RABGAP1L: variants seen among roughly 807,000 people sequenced by gnomAD.
RABGAP1L encodes rab GTPase-activating protein 1-like.
Under a neutral mutation model 137.7 loss-of-function variants are expected in RABGAP1L, and 63 were observed. The ratio of observed to expected loss-of-function variants is 0.46; its 90% confidence interval spans 0.37 to 0.56. The LOEUF (loss-of-function observed/expected upper bound fraction) is 0.56, where lower values mean the gene tolerates loss of function less well. RABGAP1L is among the 20% of genes least tolerant of loss of function. RABGAP1L has a pLI of 0.00. For missense variants in RABGAP1L, 1,095 were observed against 1,244.0 expected, an observed-to-expected ratio of 0.88 and a Z score of 1.80; for synonymous variants, 431 against 433.7, an observed-to-expected ratio of 0.99 and a Z score of 0.08.
At chr1:174,910,822 G>A (rs1421208539) in intron 19 of RABGAP1L, among the ~76,000 whole-genome samples, 1 of 152,192 alleles carries the variant, frequency 6.6e-6, no homozygotes. Context: ...ATACCTAGGA[G>A]TGGAATTGCT....
At chr1:174,219,388 GCTGA>G in intron 2 of RABGAP1L, 93 bp downstream of exon 2, 2 of 840,804 alleles carry the variant, frequency 2.4e-6, no homozygotes, top group Non-Finnish European at 3.3e-6. Context: ...TTTCTCAAGT[GCTGA>G]CTTTCAAAAT....
At chr1:174,231,530 T>C (rs1670652064) in intron 4 of RABGAP1L, among the ~76,000 whole-genome samples, 175 bp downstream of exon 4, 1 of 152,192 alleles carries the variant, frequency 6.6e-6, no homozygotes. Context: ...TGAACAATTG[T>C]ATTAGTCTAT....
intron 13 of RABGAP1L, among the ~76,000 whole-genome samples, chr1:174,460,345 C>G (rs899964490): frequency 2.0e-5 from 3 of 151,924 alleles, no homozygotes; most frequent in Non-Finnish European, 4.4e-5. Flanking sequence ...GACTAAATTA[C>G]GCATAGTTCT....
chr1:174,819,187 TAAAAAAAAAAAAAAA>T (rs71299431), intron 19 of RABGAP1L, among the ~76,000 whole-genome samples: 1 of 44,840 alleles, frequency 2.2e-5, no homozygotes, highest in African/African-American at 8.6e-5. Context: ...TGCCTGTCTC[TAAAAAAAAAAAAAAA>T]AAAAAAAAAA....
At chr1:174,569,781 C>T (rs1030637235) in intron 13 of RABGAP1L, among the ~76,000 whole-genome samples, 10 of 152,280 alleles carry the variant, frequency 6.6e-5, no homozygotes, top group South Asian at 2.1e-4. Flanking sequence ...TAAAAATTAA[C>T]GAAGTAGAGA....
chr1:174,718,607 A>G (rs992312155), intron 17 of RABGAP1L, among the ~76,000 whole-genome samples: 1 of 152,082 alleles, frequency 6.6e-6, no homozygotes, highest in African/African-American at 2.4e-5. Flanking sequence ...CCTTGGCATC[A>G]TTTGTCATCG....
chr1:174,354,884 G>C (rs1464518832), intron 11 of RABGAP1L, among the ~76,000 whole-genome samples: 1 of 152,166 alleles, frequency 6.6e-6, no homozygotes, highest in Non-Finnish European at 1.5e-5. Flanking sequence ...CATATGGCTA[G>C]CCAGTTTTCC....
intron 13 of RABGAP1L, among the ~76,000 whole-genome samples, chr1:174,583,435 A>G (rs1668885736): frequency 6.6e-6 from 1 of 152,082 alleles, no homozygotes; most frequent in Non-Finnish European, 1.5e-5. Flanking sequence ...TACCCTCCCC[A>G]TACATATATG....
At chr1:174,728,534 T>C (rs1293763057) in intron 17 of RABGAP1L, among the ~76,000 whole-genome samples, 1 of 151,590 alleles carries the variant, frequency 6.6e-6, no homozygotes, top group African/African-American at 2.4e-5. Context: ...ATCATTAATA[T>C]GGCCATACTG....
chr1:174,473,160 T>G (rs1022369163), intron 13 of RABGAP1L, among the ~76,000 whole-genome samples: 13 of 152,130 alleles, frequency 8.5e-5, no homozygotes, highest in African/African-American at 2.7e-4. Context: ...TGGAACATAA[T>G]TTTAGGTTAT....
chr1:174,203,651 G>T (rs759761260), intron 1 of RABGAP1L, among the ~76,000 whole-genome samples: 12 of 151,962 alleles, frequency 7.9e-5, no homozygotes, highest in Non-Finnish European at 1.5e-4. Context: ...GAAGAATGTT[G>T]TTTGATAGGA....
chr1:174,643,216 C>T (rs145809711), intron 14 of RABGAP1L, among the ~76,000 whole-genome samples: 1 of 152,208 alleles, frequency 6.6e-6, no homozygotes, highest in African/African-American at 2.4e-5. Context: ...GATAGGTGTT[C>T]CTGGATCAGA....
At chr1:174,500,080 C>CT (rs1314254264) in intron 13 of RABGAP1L, among the ~76,000 whole-genome samples, 1,380 of 135,538 alleles carry the variant, frequency 0.01, 10 homozygotes, top group African/African-American at 0.02. Context: ...CAGGCTTCTT[C>CT]TTTTTTTTTT....
chr1:174,523,383 T>C (rs1043777995), intron 13 of RABGAP1L, among the ~76,000 whole-genome samples: 1 of 151,828 alleles, frequency 6.6e-6, no homozygotes, highest in Admixed American at 6.6e-5. Flanking sequence ...AAAAACAACT[T>C]GAATAAGACT....
intron 19 of RABGAP1L, chr1:174,877,655 A>T: frequency 1.3e-6 from 2 of 1,561,382 alleles, no homozygotes; most frequent in Non-Finnish European, 1.8e-6. Context: ...CTTTTCTAAC[A>T]TGATATCTAT....
chr1:174,296,158 A>G (rs976795334), intron 10 of RABGAP1L, among the ~76,000 whole-genome samples: 1 of 152,202 alleles, frequency 6.6e-6, no homozygotes, highest in African/African-American at 2.4e-5. Context: ...TGCCTAAAGT[A>G]TCAGTTACTG....
intron 11 of RABGAP1L, among the ~76,000 whole-genome samples, chr1:174,308,542 A>T (rs1678517981): frequency 6.6e-6 from 1 of 151,848 alleles, no homozygotes; most frequent in African/African-American, 2.4e-5. Context: ...ATTTTTATGT[A>T]TGGTGGTGTG....
chr1:174,449,381 T>C (rs932940678), intron 13 of RABGAP1L, among the ~76,000 whole-genome samples: 3 of 152,190 alleles, frequency 2.0e-5, no homozygotes, highest in Non-Finnish European at 2.9e-5. Context: ...GAAGGATGTA[T>C]AGAGGGTTAG....
intron 19 of RABGAP1L, among the ~76,000 whole-genome samples, chr1:174,947,678 C>T (rs1426275737): frequency 2.6e-5 from 4 of 152,134 alleles, no homozygotes; most frequent in African/African-American, 9.7e-5. Flanking sequence ...CCTCAGCTTC[C>T]CAAAGTGCTG....
Sources: gnomAD v4.1 joint callset for allele counts (sites outside exome capture counted in the v4.1 genomes callset) on GRCh38, gnomAD v4.1.1 for gene constraint, MANE v1.5 for transcripts, NCBI Gene and HGNC (gene_info 2026-07-23, HGNC 2026-07-21) for gene names.